SPON1: variants seen among roughly 807,000 people sequenced by gnomAD.
SPON1 encodes the protein spondin 1, also known as spondin-1.
A neutral mutation model predicts 111.7 loss-of-function variants in SPON1; 52 were observed. That is an observed-to-expected ratio of 0.47 (90% confidence interval 0.37 to 0.59). The LOEUF is 0.59. Among genes scored for constraint, SPON1 ranks in the 20% least tolerant of loss-of-function variants. The pLI is 0.00. For synonymous variants in SPON1, 410 were observed against 395.8 expected, an observed-to-expected ratio of 1.04 and a Z score of -0.43; for missense variants, 957 against 1,068.5, an observed-to-expected ratio of 0.90 and a Z score of 1.46.
At chr11:14,233,883 C>G (rs1468014409) in intron 6 of SPON1, among the ~76,000 whole-genome samples, 2 of 151,698 alleles carry the variant, frequency 1.3e-5, no homozygotes, top group African/African-American at 4.8e-5. Flanking sequence ...CTGCCTCAGC[C>G]TCCCAAGTAG....
intron 3 of SPON1, among the ~76,000 whole-genome samples, chr11:14,053,814 G>T (rs1189754389): frequency 1.3e-5 from 2 of 152,178 alleles, no homozygotes; most frequent in Non-Finnish European, 2.9e-5. Context: ...TCCCAAAAAT[G>T]GGTTGATTAG....
chr11:14,259,035 T>C lies in SPON1; in HGVS notation c.1493-245T>C, dbSNP rs1340210227. ...CATTTTTTAAACACCATCCTTTCCA[T>C]ACAAGCATCTTTCGAATGTATTTTC... is the stretch of plus-strand genomic sequence containing the variant. On this transcript the variant is annotated intron_variant, in intron 11 of 15. Transcript: ENST00000576479. This position sits in a 1 kb window ranked among gnomAD's most constrained non-coding sequence, Gnocchi z 5.0. 6.6e-6 allele frequency among the ~76,000 whole-genome samples: 1 copy of C among 152,254 alleles called. No individual in the cohort carries two copies. The highest frequency in any genetic ancestry group is 1.5e-5 in the Non-Finnish European group (1 of 68,038).
At chr11:14,239,584 G>A (rs188779651) in intron 6 of SPON1, among the ~76,000 whole-genome samples, 4 of 152,286 alleles carry the variant, frequency 2.6e-5, no homozygotes, top group Admixed American at 2.0e-4. Flanking sequence ...AATTAGCCAT[G>A]AGTAGTGGTG....
chr11:14,052,021 A>G (rs1299700722), intron 3 of SPON1, among the ~76,000 whole-genome samples: 1 of 152,150 alleles, frequency 6.6e-6, no homozygotes, highest in Non-Finnish European at 1.5e-5. Context: ...ACTAAGCTAC[A>G]CTGACTAAGC....
chr11:14,215,047 TTTTG>T (rs1374805602), intron 6 of SPON1, among the ~76,000 whole-genome samples: 2 of 151,928 alleles, frequency 1.3e-5, no homozygotes, highest in African/African-American at 4.8e-5. Flanking sequence ...TTTTTTATGT[TTTTG>T]TTTTTGTTTT....
At chr11:14,206,622 C>T (rs1554936215) in intron 6 of SPON1, among the ~76,000 whole-genome samples, 2 of 152,056 alleles carry the variant, frequency 1.3e-5, no homozygotes, top group African/African-American at 4.8e-5. Context: ...CTCATATTCC[C>T]ATTCACAATT....
chr11:14,136,851 G>A (rs1847598036), intron 6 of SPON1, among the ~76,000 whole-genome samples: 1 of 152,110 alleles, frequency 6.6e-6, no homozygotes, highest in African/African-American at 2.4e-5. Context: ...CTCATAATTG[G>A]CATCACTCCT....
At chr11:14,026,490 G>A (rs374776469) in intron 2 of SPON1, among the ~76,000 whole-genome samples, 4 of 152,178 alleles carry the variant, frequency 2.6e-5, no homozygotes, top group African/African-American at 7.2e-5. Flanking sequence ...ATGCTTTTAC[G>A]TCCTAAAGAA....
intron 2 of SPON1, among the ~76,000 whole-genome samples, chr11:14,007,019 C>T (rs1321436445): frequency 6.6e-6 from 1 of 152,122 alleles, no homozygotes; most frequent in Non-Finnish European, 1.5e-5. Context: ...GGCAGTGGTC[C>T]CAAACCTTTT....
intron 6 of SPON1, among the ~76,000 whole-genome samples, chr11:14,200,077 G>A (rs925355993): frequency 6.6e-5 from 10 of 150,972 alleles, no homozygotes; most frequent in South Asian, 2.1e-4. Context: ...AACCCTCCAA[G>A]ACACAACTTA....
intron 2 of SPON1, among the ~76,000 whole-genome samples, chr11:13,983,550 G>A (rs1848160437): frequency 6.6e-6 from 1 of 152,198 alleles, no homozygotes; most frequent in African/African-American, 2.4e-5. Flanking sequence ...TAAGACAAAA[G>A]TGGGTCAAGA....
chr11:14,204,947 A>T (rs1554936028), intron 6 of SPON1, among the ~76,000 whole-genome samples: 1 of 148,930 alleles, frequency 6.7e-6, no homozygotes, highest in Non-Finnish European at 1.5e-5. Context: ...TCAGCCTCCC[A>T]AAGTGCTGGG....
At position 13,982,953 on chromosome 11, in the gene SPON1, G is replaced by C; in HGVS notation, c.345G>C (p.Gln115His). ...AAGAAGACCATGCTGGGACCTTCCA[G>C]GTAAGACCCTGCCTGGGCTTATTCA... Reference protein sequence around the residue: ...DKEEDHAGTFQIIDEEETQFM... With the variant: ...DKEEDHAGTFHIIDEEETQFM... Residue 115 changes from glutamine (Q) to histidine (H), a missense_variant and splice_region_variant, in exon 2 of 16, where the codon CAG (glutamine) becomes CAC (histidine). By Grantham distance (24) the Gln-to-His change is conservative (BLOSUM62 0). Coordinates refer to ENST00000576479, the MANE Select transcript of SPON1 (RefSeq NM_006108.4). 6.5e-7 allele frequency: 1 copy of C among 1,543,102 alleles called. No homozygotes were observed.
At chr11:13,973,596 C>T (rs781931166) in intron 1 of SPON1, among the ~76,000 whole-genome samples, 1 of 152,196 alleles carries the variant, frequency 6.6e-6, no homozygotes, top group Non-Finnish European at 1.5e-5. Context: ...CTCCTTGAAT[C>T]CTCATGACAA....
At chr11:14,255,541 TGTTAAATTCCTATCA>T in intron 8 of SPON1, 91 bp from the exon 9 acceptor site, 1 of 1,002,476 alleles carries the variant, frequency 1.0e-6, no homozygotes, top group Non-Finnish European at 1.5e-6. Context: ...TAGTTATGCT[TGTTAAATTCCTATCA>T]AGGACTTTGC....
chr11:14,261,253 C>T (rs1383366973), intron 14 of SPON1, among the ~76,000 whole-genome samples: 2 of 152,150 alleles, frequency 1.3e-5, no homozygotes, highest in Admixed American at 1.3e-4. Flanking sequence ...TCCTGTTTTC[C>T]AAAGTCTCTG....
In SPON1 at chr11:13,992,319, C is replaced by T. The variant is rs1848237311; in HGVS notation, c.345+9366C>T. On this transcript the variant is annotated intron_variant, in intron 2 of 15. Transcript: ENST00000576479. ...CCTTGCTCAGCTGCAGTGGGCCCCA[C>T]CCAGTTTGAACTTCCCAGTGGCTTT... 4.6e-5 allele frequency among the ~76,000 whole-genome samples: 7 copies of T among 152,322 alleles called. No homozygotes were observed. The South Asian group carries it at 1.5e-3, about 32-fold the overall frequency.
chr11:14,120,932 G>A (rs797040916), intron 5 of SPON1, among the ~76,000 whole-genome samples: 7 of 152,258 alleles, frequency 4.6e-5, no homozygotes, highest in African/African-American at 1.7e-4. Context: ...CAAGTATATG[G>A]TGAAAACAAG....
At chr11:14,008,356 A>G (rs570146331) in intron 2 of SPON1, among the ~76,000 whole-genome samples, 1 of 152,138 alleles carries the variant, frequency 6.6e-6, no homozygotes, top group South Asian at 2.1e-4. Flanking sequence ...CCTACCATTT[A>G]CACTTATGCA....
Sources: allele counts gnomAD v4.1 joint callset (sites outside exome capture counted in the v4.1 genomes callset), GRCh38; gene constraint gnomAD v4.1.1; non-coding constraint Gnocchi (gnomAD v3.1); transcripts MANE v1.5; gene names NCBI Gene and HGNC (gene_info 2026-07-23, HGNC 2026-07-21).